Variants in MAGI1 observed in about 807,000 individuals in gnomAD.
The protein encoded by MAGI1 is membrane-associated guanylate kinase, WW and PDZ domain-containing protein 1.
MAGI1 carries 58 observed loss-of-function variants against 139.9 expected under a neutral mutation model. The ratio of observed to expected loss-of-function variants is 0.41; its 90% CI spans 0.34 to 0.52. The LOEUF (loss-of-function observed/expected upper bound fraction) is 0.52. Ranked by LOEUF, MAGI1 falls within the 20% of genes least tolerant of loss-of-function variation. The pLI is 0.12. For synonymous variants in MAGI1, 812 were observed against 737.9 expected (o/e 1.10, Z -1.63); for missense variants, 1,874 against 1,901.6 (o/e 0.99, Z 0.27).
At chr3:65,926,645 C>G (rs1387687331) in intron 1 of MAGI1, among the ~76,000 whole-genome samples, 1 of 152,150 alleles carries the variant, frequency 6.6e-6, no homozygotes, top group Admixed American at 6.5e-5. Flanking sequence ...CTGCTACACT[C>G]CCACCAGTAA....
At chr3:65,669,138 T>C (rs576878345) in intron 1 of MAGI1, among the ~76,000 whole-genome samples, 2 of 152,152 alleles carry the variant, frequency 1.3e-5, no homozygotes, top group African/African-American at 4.8e-5. Context: ...GGTTTCACCA[T>C]CTTGGCCAGG....
intron 1 of MAGI1, among the ~76,000 whole-genome samples, chr3:65,682,487 G>A (rs1164774648): frequency 6.6e-6 from 1 of 152,090 alleles, no homozygotes; most frequent in Non-Finnish European, 1.5e-5. Context: ...TAAACAAATG[G>A]AGCTACAGCA....
chr3:65,738,674 G>A (rs750216623), intron 1 of MAGI1, among the ~76,000 whole-genome samples: 2 of 152,290 alleles, frequency 1.3e-5, no homozygotes, highest in South Asian at 2.1e-4. Context: ...TAACAGGCAC[G>A]AAAACAACAT....
At chr3:65,436,096 C>A (rs991099477) in intron 10 of MAGI1, among the ~76,000 whole-genome samples, 1 of 151,960 alleles carries the variant, frequency 6.6e-6, no homozygotes, top group Non-Finnish European at 1.5e-5. Context: ...TGCATTCATG[C>A]CAGAAGAAAT....
intron 1 of MAGI1, among the ~76,000 whole-genome samples, chr3:65,912,211 T>C (rs1312720290): frequency 1.6e-5 from 2 of 128,564 alleles, no homozygotes; most frequent in Non-Finnish European, 3.3e-5. Flanking sequence ...TTCAGGTAAA[T>C]GGAAAACAAA....
chr3:65,664,869 T>G (rs1442108195), intron 1 of MAGI1, among the ~76,000 whole-genome samples: 1 of 152,192 alleles, frequency 6.6e-6, no homozygotes, highest in African/African-American at 2.4e-5. Context: ...ATTTCTCTGT[T>G]TAAAATGACC....
chr3:65,499,302 T>C (rs1263778532), intron 2 of MAGI1, among the ~76,000 whole-genome samples: 2 of 152,042 alleles, frequency 1.3e-5, no homozygotes, highest in South Asian at 2.1e-4. Flanking sequence ...GAATGAAATA[T>C]GGTTGATCCA....
At chr3:65,660,562 G>A (rs2086135464) in intron 1 of MAGI1, among the ~76,000 whole-genome samples, 1 of 152,204 alleles carries the variant, frequency 6.6e-6, no homozygotes, top group Non-Finnish European at 1.5e-5. Context: ...CGCATTCAAT[G>A]CAAACAAAGA....
intron 1 of MAGI1, among the ~76,000 whole-genome samples, chr3:66,034,118 GTTTA>G (rs1376160054): frequency 6.6e-6 from 1 of 152,108 alleles, no homozygotes; most frequent in Non-Finnish European, 1.5e-5. Flanking sequence ...TCCCTTGAGG[GTTTA>G]TTAAAACACC....
chr3:65,647,644 G>A (rs557627785), intron 1 of MAGI1, among the ~76,000 whole-genome samples: 252 of 152,160 alleles, frequency 1.7e-3, no homozygotes, highest in Middle Eastern at 3.4e-3. Context: ...ATATGTTAAC[G>A]AAGAGAAACC....
At chr3:65,680,385 C>A (rs1046401989) in intron 1 of MAGI1, among the ~76,000 whole-genome samples, 1 of 152,120 alleles carries the variant, frequency 6.6e-6, no homozygotes, top group Admixed American at 6.6e-5. Context: ...CAGGAGAGCT[C>A]TTGTGAAGGA....
chr3:65,614,991 C>T (rs2083296398), intron 2 of MAGI1, among the ~76,000 whole-genome samples: 1 of 149,644 alleles, frequency 6.7e-6, no homozygotes, highest in South Asian at 2.1e-4. Flanking sequence ...CACTGTACCC[C>T]AGCCTGGGAG....
intron 4 of MAGI1, among the ~76,000 whole-genome samples, chr3:65,471,540 C>T (rs1950560490): frequency 6.6e-6 from 1 of 152,054 alleles, no homozygotes; most frequent in South Asian, 2.1e-4. Context: ...ACACCACCAC[C>T]ACCAATAATC....
chr3:65,846,976 C>CAA (rs58391331), intron 1 of MAGI1, among the ~76,000 whole-genome samples: 2,651 of 80,904 alleles, frequency 0.033, 221 homozygotes, highest in African/African-American at 0.11. Flanking sequence ...CAATGTCTTA[C>CAA]AAAAAAAAAA....
intron 1 of MAGI1, among the ~76,000 whole-genome samples, chr3:65,884,546 GCTATTAAACAACTAATTT>G (rs2060458943): frequency 2.0e-5 from 3 of 152,158 alleles, no homozygotes; most frequent in African/African-American, 7.2e-5. Context: ...AAAATACTGA[GCTATTAAACAACTAATTT>G]TGCTATCAAA....
intron 15 of MAGI1, among the ~76,000 whole-genome samples, chr3:65,382,865 T>G (rs1575572271): frequency 6.6e-6 from 1 of 152,290 alleles, no homozygotes; most frequent in East Asian, 1.9e-4. Context: ...GAATGTATGT[T>G]AAGAGCCTTT....
chr3:65,725,739 C>G (rs1343160552), intron 1 of MAGI1, among the ~76,000 whole-genome samples: 1 of 152,188 alleles, frequency 6.6e-6, no homozygotes, highest in African/African-American at 2.4e-5. Context: ...GCAGCACATT[C>G]CATTCCAGCC....
chr3:65,568,612 G>A (rs2080792271), intron 2 of MAGI1, among the ~76,000 whole-genome samples: 1 of 152,168 alleles, frequency 6.6e-6, no homozygotes, highest in Non-Finnish European at 1.5e-5. Flanking sequence ...GTATTCATTC[G>A]TTCTACACCT....
At position 65,934,765 on chromosome 3, in the gene MAGI1, G is replaced by GT. The variant is rs1217371754; in HGVS notation, c.313+103230dup. ...GATTGTGGGCTGAGAAGAAAAAGTT[G>GT]TTGTTTTTTTTTTTTTTTAAGGGGA... On this transcript the variant is annotated intron_variant, in intron 1 of 22. Transcript: ENST00000402939. Among the ~76,000 whole-genome samples the GT allele has an allele frequency of 5.4e-3, 744 of 137,876 alleles. 21 individuals are homozygous for GT. The highest frequency in any genetic ancestry group is 0.028 in the Middle Eastern group (7 of 252). 90.5% of individuals were successfully genotyped at this position (137,876 alleles called of 152,430 possible). A position where few individuals can be genotyped will look rare whatever the true frequency, so the allele number is the denominator to read the frequency against.
Sources: allele counts gnomAD v4.1 joint callset (sites outside exome capture counted in the v4.1 genomes callset), GRCh38; gene constraint gnomAD v4.1.1; transcripts MANE v1.5; gene names NCBI Gene and HGNC (gene_info 2026-07-23, HGNC 2026-07-21).